Variants in FRMPD4 observed in about 807,000 individuals in gnomAD.
FRMPD4 encodes FERM and PDZ domain-containing protein 4.
FRMPD4 carries 22 observed loss-of-function variants against 94.1 expected under a neutral mutation model. The ratio of observed to expected loss-of-function variants is 0.23; its 90% confidence interval spans 0.17 to 0.33. The LOEUF (loss-of-function observed/expected upper bound fraction) is 0.33. Ranked by LOEUF, FRMPD4 falls within the 10% of genes least tolerant of loss-of-function variation. FRMPD4 has a pLI of 1.00. For synonymous variants in FRMPD4, 631 were observed against 548.6 expected (o/e 1.15, Z -2.10); for missense variants, 1,111 against 1,339.9 (o/e 0.83, Z 2.67).
chrX:12,410,618 C>T (rs1239712047), intron 1 of FRMPD4, among the ~76,000 whole-genome samples: 1 of 111,496 alleles, frequency 9.0e-6, no homozygotes, highest in Non-Finnish European at 1.9e-5. Context: ...TGATCCTGCC[C>T]ACAGTCCTCT....
At chrX:12,615,618 C>T (rs2059228607) in intron 4 of FRMPD4, among the ~76,000 whole-genome samples, 1 of 110,999 alleles carries the variant, frequency 9.0e-6, no homozygotes, top group African/African-American at 3.3e-5. Context: ...TCCATTCATT[C>T]TATGGGAGTG....
intron 1 of FRMPD4, among the ~76,000 whole-genome samples, chrX:11,843,514 A>G (rs1376186059): frequency 9.0e-6 from 1 of 111,320 alleles, no homozygotes; most frequent in East Asian, 2.8e-4. Flanking sequence ...ATAGTCTTTG[A>G]TGCTTATCCA....
chrX:12,026,068 A>C (rs1526798), intron 3 of FRMPD4, among the ~76,000 whole-genome samples: 19,729 of 111,167 alleles, frequency 0.18, 1,531 homozygotes, highest in African/African-American at 0.29. Flanking sequence ...ATTCACTTGG[A>C]TATTCAGATT....
At chrX:12,005,361 T>C (rs1187631687) in intron 3 of FRMPD4, among the ~76,000 whole-genome samples, 1 of 108,274 alleles carries the variant, frequency 9.2e-6, no homozygotes, top group Non-Finnish European at 1.9e-5. Flanking sequence ...AGCCCTGGCC[T>C]AAATCACAGA....
chrX:12,250,647 C>T (rs1250920254), intron 1 of FRMPD4, among the ~76,000 whole-genome samples: 1 of 111,878 alleles, frequency 8.9e-6, no homozygotes, highest in African/African-American at 3.2e-5. Context: ...TTCTTTATCT[C>T]CGTCAAATTG....
At chrX:12,332,131 ATTATATATAATTTATATT>A (rs1372894044) in intron 1 of FRMPD4, among the ~76,000 whole-genome samples, 4 of 69,940 alleles carry the variant, frequency 5.7e-5, no homozygotes, top group Non-Finnish European at 1.1e-4. Flanking sequence ...TATTTTATAT[ATTATATATAATTTATATT>A]TTATATATAA....
At chrX:12,700,924 T>C (rs5979712) in intron 9 of FRMPD4, among the ~76,000 whole-genome samples, 1,666 of 111,265 alleles carry the variant, frequency 0.015, 39 homozygotes, top group African/African-American at 0.052. Context: ...TCACTCACCG[T>C]GCTAATTCTG....
intron 1 of FRMPD4, among the ~76,000 whole-genome samples, chrX:12,477,262 A>C (rs1000644300): frequency 1.8e-5 from 2 of 110,959 alleles, no homozygotes; most frequent in Admixed American, 9.6e-5. Context: ...TAATGAGAAC[A>C]CGTGGACACA....
intron 1 of FRMPD4, among the ~76,000 whole-genome samples, chrX:12,424,961 GT>G (rs35391431): frequency 3.2e-4 from 36 of 111,341 alleles, no homozygotes; most frequent in East Asian, 2.8e-3. Context: ...CAGTAATTCA[GT>G]TTTTTTTCCC....
Position 12,716,545 on chromosome X carries a change from A to C in FRMPD4, c.2086A>C (p.Met696Leu). 1 of 1,209,434 alleles carries C rather than the reference A, an allele frequency of 8.3e-7. No homozygotes were observed. The highest frequency in any genetic ancestry group is 1.1e-6 in the Non-Finnish European group (1 of 893,600). The change falls in exon 15 of 17, where the codon ATG becomes CTG. Residue 696 changes from methionine (M) to leucine (L), a missense_variant. Met to Leu is a conservative substitution (Grantham distance 15). Coordinates refer to ENST00000675598, the MANE Select transcript of FRMPD4 (RefSeq NM_001368397.1). Reference protein sequence around the residue: ...RNLYIGSANDMKGLDLTPEAE... With the variant: ...RNLYIGSANDLKGLDLTPEAE... Reference sequence around the variant, plus strand: ...TCTCTACATTGGCAGTGCCAATGACATGAAGGGCCTGGATCTCACTCCAGA... The same window carrying C: ...TCTCTACATTGGCAGTGCCAATGACCTGAAGGGCCTGGATCTCACTCCAGA...
chrX:11,825,537 A>G (rs1029280194), intron 1 of FRMPD4, among the ~76,000 whole-genome samples: 7 of 111,061 alleles, frequency 6.3e-5, no homozygotes, highest in African/African-American at 1.3e-4. Context: ...AGTGATTATC[A>G]GTGTTTAATA....
intron 1 of FRMPD4, among the ~76,000 whole-genome samples, chrX:12,204,090 G>A (rs1238542045): frequency 8.9e-6 from 1 of 111,970 alleles, no homozygotes; most frequent in Non-Finnish European, 1.9e-5. Flanking sequence ...TTTTCAATGG[G>A]GCAGTTTGGA....
At chrX:11,954,467 A>C (rs1369843335) in intron 3 of FRMPD4, among the ~76,000 whole-genome samples, 1 of 112,230 alleles carries the variant, frequency 8.9e-6, no homozygotes, top group Non-Finnish European at 1.9e-5. Flanking sequence ...GGGTGTTCAC[A>C]GGTTGTCCGG....
chrX:12,376,761 T>G (rs1024267870), intron 1 of FRMPD4, among the ~76,000 whole-genome samples: 2 of 112,829 alleles, frequency 1.8e-5, no homozygotes, highest in Non-Finnish European at 3.7e-5. Flanking sequence ...AATTTACCAA[T>G]TATTATTTGG....
chrX:12,175,559 G>A (rs745386735), intron 1 of FRMPD4, among the ~76,000 whole-genome samples: 3 of 112,069 alleles, frequency 2.7e-5, no homozygotes, highest in South Asian at 3.7e-4. Context: ...TCGCTCTTTC[G>A]CCCAGGCTGG....
intron 1 of FRMPD4, among the ~76,000 whole-genome samples, chrX:12,381,649 G>A (rs187723108): frequency 2.7e-5 from 3 of 111,819 alleles, no homozygotes; most frequent in Non-Finnish European, 3.8e-5. Flanking sequence ...GATGGCAAGC[G>A]GGACTTTCCA....
At chrX:12,484,536 C>CA in intron 1 of FRMPD4, among the ~76,000 whole-genome samples, 1 of 112,011 alleles carries the variant, frequency 8.9e-6, no homozygotes, top group South Asian at 3.8e-4. Flanking sequence ...GTTTTGCTGC[C>CA]AAAAGCACCA....
intron 1 of FRMPD4, among the ~76,000 whole-genome samples, chrX:12,318,871 C>T (rs774380492): frequency 9.1e-6 from 1 of 109,455 alleles, no homozygotes; most frequent in African/African-American, 3.3e-5. Context: ...CTTTATGTAT[C>T]CATAAAAATT....
chrX:12,524,519 T>TATGATG (rs971664778), intron 2 of FRMPD4, among the ~76,000 whole-genome samples: 2 of 111,313 alleles, frequency 1.8e-5, no homozygotes, highest in Non-Finnish European at 1.9e-5. Flanking sequence ...TCACCATTAA[T>TATGATG]ATGATGATGA....
Sources: gnomAD v4.1 joint callset for allele counts (sites outside exome capture counted in the v4.1 genomes callset) on GRCh38, gnomAD v4.1.1 for gene constraint, MANE v1.5 for transcripts, NCBI Gene and HGNC (gene_info 2026-07-23, HGNC 2026-07-21) for gene names.